The following ORC3 variants were observed in gnomAD, a reference collection of about 807,000 sequenced individuals.
The protein encoded by ORC3 is homolog of latheo, Drosophila.
Under a neutral mutation model 100.7 loss-of-function variants are expected in ORC3, and 78 were observed. The observed-to-expected ratio is 0.77, with a 90% CI of 0.65 to 0.94. The LOEUF (loss-of-function observed/expected upper bound fraction) is 0.94, where lower values mean the gene tolerates loss of function less well. ORC3 is among the 40% of genes least tolerant of loss of function. ORC3 has a pLI of 0.00. For missense variants in ORC3, 789 were observed against 823.9 expected (o/e 0.96, Z 0.52); for synonymous variants, 295 against 289.3 (o/e 1.02, Z -0.20).
chr6:87,634,429 T>G (rs954976189), intron 11 of ORC3, among the ~76,000 whole-genome samples: 1 of 152,138 alleles, frequency 6.6e-6, no homozygotes, highest in Non-Finnish European at 1.5e-5. Flanking sequence ...GTTCATTAGG[T>G]TGGTACCATT....
At position 87,609,143 on chromosome 6, in the gene ORC3, A is replaced by G; in HGVS notation, c.627A>G (p.Gln209=). ...GCAAAAAAAGGACTACTTCTAGCCAATGGCAGTCTCCTCCTGTTGTCGTTA... is the reference window on the plus strand; with the variant it reads ...GCAAAAAAAGGACTACTTCTAGCCAGTGGCAGTCTCCTCCTGTTGTCGTTA... The part of the protein sequence containing the change: ...MLSKKRTTSS[Q]WQSPPVVVIL... The change falls in exon 7 of 20, where the codon CAA becomes CAG. Residue 209 remains glutamine, a synonymous_variant. Transcript: ENST00000392844. 4 of 1,609,810 alleles carry G rather than the reference A, an allele frequency of 2.5e-6. No individual in the cohort carries two copies. Among genetic ancestry groups the G allele is most frequent in the Non-Finnish European group, 3.4e-6 (4 of 1,178,934 alleles).
chr6:87,676,626 CAA>C, the ORC3 span, among the ~76,000 whole-genome samples: 6 of 132,518 alleles, frequency 4.5e-5, no homozygotes, highest in African/African-American at 1.7e-4. Flanking sequence ...CACACACACA[CAA>C]ACATAGCTGG....
At chr6:87,650,161 G>T (rs1243558965) in intron 13 of ORC3, among the ~76,000 whole-genome samples, 2 of 149,758 alleles carry the variant, frequency 1.3e-5, no homozygotes, top group Non-Finnish European at 3.0e-5. Flanking sequence ...GGCTCAAGCA[G>T]TCTTCATACT....
chr6:87,649,180 T>G (rs1400788601), intron 13 of ORC3, among the ~76,000 whole-genome samples: 1 of 152,236 alleles, frequency 6.6e-6, no homozygotes, highest in Non-Finnish European at 1.5e-5. Flanking sequence ...ACCTGTTTTT[T>G]TAAAATAGTT....
chr6:87,677,802 T>C, the ORC3 span: 1 of 1,609,994 alleles, frequency 6.2e-7, no homozygotes, highest in Admixed American at 1.7e-5. Context: ...GAAACTCTAA[T>C]AAACACACCT....
At chr6:87,638,114 C>CA (rs1323148695) in intron 13 of ORC3, among the ~76,000 whole-genome samples, 1 of 152,034 alleles carries the variant, frequency 6.6e-6, no homozygotes, top group Non-Finnish European at 1.5e-5. Context: ...ACAGCAGAAG[C>CA]AAAAAATAGA....
chr6:87,622,138 G>A (rs1200418132), intron 11 of ORC3, 125 bp downstream of exon 11: 3 of 598,364 alleles, frequency 5.0e-6, no homozygotes, highest in Non-Finnish European at 8.6e-6. Flanking sequence ...GTGAAGTACT[G>A]GGTCTTGATA....
intron 11 of ORC3, among the ~76,000 whole-genome samples, chr6:87,627,845 T>A (rs1780037596): frequency 6.6e-6 from 1 of 152,174 alleles, no homozygotes; most frequent in Non-Finnish European, 1.5e-5. Context: ...TAAGTTAGAC[T>A]GCCTCCCTAG....
At chr6:87,603,580 A>T (rs1433374056) in intron 4 of ORC3, 52 bp downstream of exon 4, 1 of 1,276,062 alleles carries the variant, frequency 7.8e-7, no homozygotes, top group African/African-American at 1.5e-5. Context: ...TTTCGTTTTT[A>T]AATTTTTTTT....
intron 9 of ORC3, 32 bp downstream of exon 9, chr6:87,616,459 C>T (rs766782780): frequency 2.0e-5 from 17 of 863,824 alleles, no homozygotes; most frequent in Non-Finnish European, 3.3e-5. Flanking sequence ...TGAAAATTCT[C>T]AAGCTGATTC....
At chr6:87,639,296 TC>T (rs1042406903) in intron 13 of ORC3, among the ~76,000 whole-genome samples, 2 of 152,072 alleles carry the variant, frequency 1.3e-5, no homozygotes, top group African/African-American at 4.8e-5. Context: ...GCTGTAGACA[TC>T]CCTCTACCCC....
chr6:87,670,742 G>A (rs956990581), downstream of ORC3, among the ~76,000 whole-genome samples: 2 of 152,170 alleles, frequency 1.3e-5, no homozygotes, highest in African/African-American at 4.8e-5. Context: ...CCAAGCATGT[G>A]CCATGTGCCA....
At chr6:87,668,345 C>G (rs1770760742), downstream of ORC3, among the ~76,000 whole-genome samples, 1 of 152,080 alleles carries the variant, frequency 6.6e-6, no homozygotes, top group Admixed American at 6.6e-5. Context: ...TATCCATTAT[C>G]CAAAATGCTT....
intron 13 of ORC3, among the ~76,000 whole-genome samples, chr6:87,645,975 TTTTTTTTTCTTTTTTTTTTC>T (rs1268642545): frequency 1.4e-5 from 2 of 140,476 alleles, no homozygotes; most frequent in African/African-American, 5.6e-5. Flanking sequence ...TAATTTTTTC[TTTTTTTTTCTTTTTTTTTTC>T]TTTTTTTTTG....
intron 16 of ORC3, among the ~76,000 whole-genome samples, chr6:87,658,282 C>G (rs149614950): frequency 0.029 from 4,402 of 151,996 alleles, 216 homozygotes; most frequent in African/African-American, 0.1. Context: ...AAGGTGAAAC[C>G]CTGTCTCTAC....
In ORC3 at chr6:87,590,149, T is replaced by C. The variant is rs537955073; in HGVS notation, c.-20T>C. The stretch of plus-strand genomic sequence containing the variant: ...CGGGAAATCCCGAGTGCATCTGGAA[T>C]ACGCAGAGTCAGTAAGACCATGGCT... On this transcript the variant is annotated 5_prime_UTR_variant, in exon 1 of 20. Transcript: ENST00000392844. The C allele has an allele frequency of 1.4e-5, 22 of 1,613,996 alleles. 1 individual carries two copies. In the South Asian group the frequency reaches 2.2e-4, roughly 16 times the overall value.
At chr6:87,598,142 G>C (rs114044846) in intron 2 of ORC3, among the ~76,000 whole-genome samples, 364 of 152,216 alleles carry the variant, frequency 2.4e-3, no homozygotes, top group African/African-American at 8.5e-3. Context: ...GAATCCTCCT[G>C]CCTTAGCCTC....
chr6:87,666,435 CTTTTTTTTT>C (rs398002192), intron 19 of ORC3, among the ~76,000 whole-genome samples: 1 of 97,664 alleles, frequency 1.0e-5, no homozygotes, highest in African/African-American at 4.1e-5. Context: ...CGGCCTAATT[CTTTTTTTTT>C]TTTTTTTTTT....
At chr6:87,669,081 C>T (rs562425585), downstream of ORC3, among the ~76,000 whole-genome samples, 1 of 152,332 alleles carries the variant, frequency 6.6e-6, no homozygotes, top group South Asian at 2.1e-4. Context: ...CGCTTAAACC[C>T]AGAAGGTGGA....
Sources: allele counts gnomAD v4.1 joint callset (sites outside exome capture counted in the v4.1 genomes callset), GRCh38; gene constraint gnomAD v4.1.1; transcripts MANE v1.5; gene names NCBI Gene and HGNC (gene_info 2026-07-23, HGNC 2026-07-21).